Variants in MACROD2 observed in about 807,000 individuals in gnomAD.
MACROD2 encodes the protein mono-ADP ribosylhydrolase 2, also known as ADP-ribose glycohydrolase MACROD2.
MACROD2 carries 36 observed loss-of-function variants against 70.4 expected under a neutral mutation model. The ratio of observed to expected loss-of-function variants is 0.51; its 90% CI spans 0.39 to 0.68. The LOEUF (loss-of-function observed/expected upper bound fraction) is 0.68. Ranked by LOEUF, MACROD2 falls within the 30% of genes least tolerant of loss-of-function variation. The pLI is 0.00. For missense variants in MACROD2, 496 were observed against 538.4 expected, an observed-to-expected ratio of 0.92 and a Z score of 0.78; for synonymous variants, 172 against 178.8, an observed-to-expected ratio of 0.96 and a Z score of 0.30.
chr20:15,834,870 A>G, intron 8 of MACROD2, among the ~76,000 whole-genome samples: 1 of 152,206 alleles, frequency 6.6e-6, no homozygotes, highest in East Asian at 1.9e-4. Flanking sequence ...GCTCATGAAT[A>G]TCGCACTCCC....
At chr20:14,736,958 G>C (rs8114642) in intron 5 of MACROD2, among the ~76,000 whole-genome samples, 1 of 151,674 alleles carries the variant, frequency 6.6e-6, no homozygotes, top group Non-Finnish European at 1.5e-5. Context: ...TTTTTTTTTA[G>C]AATTTTTAAA....
At chr20:15,727,962 T>G (rs752006215) in intron 8 of MACROD2, among the ~76,000 whole-genome samples, 4 of 151,906 alleles carry the variant, frequency 2.6e-5, no homozygotes, top group Admixed American at 2.6e-4. Flanking sequence ...TTCAGTACTA[T>G]GTTGAATAGG....
intron 5 of MACROD2, among the ~76,000 whole-genome samples, chr20:14,706,821 G>T (rs1462144192): frequency 1.3e-5 from 2 of 151,958 alleles, no homozygotes; most frequent in Non-Finnish European, 2.9e-5. Flanking sequence ...TTGCCGAAAG[G>T]TTCTTCTTTC....
chr20:14,612,741 A>G (rs988620638), intron 4 of MACROD2, among the ~76,000 whole-genome samples: 10 of 152,046 alleles, frequency 6.6e-5, no homozygotes, highest in Middle Eastern at 3.2e-3. Context: ...AAGTTCTTAA[A>G]ACTCATCTGA....
chr20:14,061,916 A>G (rs1199544683), intron 2 of MACROD2, among the ~76,000 whole-genome samples: 1 of 152,132 alleles, frequency 6.6e-6, no homozygotes, highest in Non-Finnish European at 1.5e-5. Context: ...TCCAACTTTA[A>G]TGTGTTTAAG....
At chr20:15,717,439 T>C (rs536667923) in intron 8 of MACROD2, among the ~76,000 whole-genome samples, 1 of 152,376 alleles carries the variant, frequency 6.6e-6, no homozygotes, top group South Asian at 2.1e-4. Flanking sequence ...TGTATTCATA[T>C]AACTGCAAGA....
chr20:15,921,065 T>C (rs1200254033), intron 10 of MACROD2, among the ~76,000 whole-genome samples: 1 of 152,102 alleles, frequency 6.6e-6, no homozygotes, highest in Non-Finnish European at 1.5e-5. Flanking sequence ...TTCATGCTAT[T>C]ACATATTCCT....
intron 6 of MACROD2, among the ~76,000 whole-genome samples, chr20:15,424,549 C>T (rs2046272418): frequency 6.6e-6 from 1 of 152,206 alleles, no homozygotes; most frequent in Admixed American, 6.5e-5. Context: ...GAGACCTCGT[C>T]TCTACAAAAA....
intron 7 of MACROD2, among the ~76,000 whole-genome samples, chr20:15,468,659 G>C (rs966736055): frequency 6.6e-6 from 1 of 152,138 alleles, no homozygotes; most frequent in Non-Finnish European, 1.5e-5. Context: ...TTTGCCTTTT[G>C]TGTGCTTCTT....
At chr20:14,750,030 TA>T (rs1182261654) in intron 5 of MACROD2, among the ~76,000 whole-genome samples, 3 of 152,144 alleles carry the variant, frequency 2.0e-5, no homozygotes, top group Admixed American at 6.5e-5. Flanking sequence ...ACTTCTGAAC[TA>T]TACACTTCCA....
chr20:14,190,085 A>C (rs2081372655), intron 3 of MACROD2, among the ~76,000 whole-genome samples: 1 of 152,202 alleles, frequency 6.6e-6, no homozygotes, highest in Non-Finnish European at 1.5e-5. Context: ...AAAGGACAGC[A>C]AACTAGGAAT....
rs75714688 is a variant in MACROD2, at chr20:15,845,974, T to C, written c.646-16771T>C. On this transcript the variant is annotated intron_variant, in intron 8 of 17. Transcript: ENST00000684519. ...AAACAGAACACCTCTTTTTAAGCCA[T>C]GTGGCCTGTCTAAAACAGGTTTTCC... is the stretch of plus-strand genomic sequence containing the variant. Among the ~76,000 whole-genome samples the C allele has an allele frequency of 5.9e-3, 898 of 152,342 alleles. 8 individuals carry two copies. The highest frequency in any genetic ancestry group is 0.021 in the African/African-American group (861 of 41,584).
intron 9 of MACROD2, among the ~76,000 whole-genome samples, chr20:15,883,989 A>G (rs1196657909): frequency 6.6e-6 from 1 of 152,098 alleles, no homozygotes; most frequent in Non-Finnish European, 1.5e-5. Context: ...TAGCTGTCCT[A>G]GTGCTTTACG....
chr20:15,968,796 CGTATAT>C lies in MACROD2; in HGVS notation c.985+1167_985+1172del, dbSNP rs1262991139. On this transcript the variant is annotated intron_variant, in intron 13 of 17. Transcript: ENST00000684519. ...TAAACATATAATATTATATATTATG[CGTATAT>C]ATATATATATATATATATATATATA... 5.3e-3 allele frequency among the ~76,000 whole-genome samples: 268 copies of C among 50,226 alleles called. 3 individuals carry two copies. The highest frequency in any genetic ancestry group is 0.026 in the Middle Eastern group (2 of 78). 33.0% of individuals were successfully genotyped at this position (50,226 alleles called of 152,430 possible). A position where few individuals can be genotyped will look rare whatever the true frequency, so the allele number is the denominator to read the frequency against.
At chr20:14,332,874 A>C (rs2082870072) in intron 3 of MACROD2, among the ~76,000 whole-genome samples, 1 of 152,132 alleles carries the variant, frequency 6.6e-6, no homozygotes, top group Non-Finnish European at 1.5e-5. Context: ...ATTGCTGCCA[A>C]AAAAGCTCAA....
intron 7 of MACROD2, among the ~76,000 whole-genome samples, chr20:15,492,707 A>G (rs1453082373): frequency 2.0e-5 from 3 of 152,196 alleles, no homozygotes; most frequent in Admixed American, 2.0e-4. Flanking sequence ...CTCACGTTTG[A>G]TAACTTCATA....
At chr20:15,165,820 AAT>A (rs564225628) in intron 5 of MACROD2, among the ~76,000 whole-genome samples, 1 of 152,188 alleles carries the variant, frequency 6.6e-6, no homozygotes, top group South Asian at 2.1e-4. Flanking sequence ...AACATTAAGA[AAT>A]ATATTAAATA....
At chr20:15,929,098 GTAAGA>G (rs2065534670) in intron 10 of MACROD2, among the ~76,000 whole-genome samples, 1 of 152,184 alleles carries the variant, frequency 6.6e-6, no homozygotes, top group African/African-American at 2.4e-5. Context: ...TCACAGGTCT[GTAAGA>G]TGACTATGGT....
intron 5 of MACROD2, among the ~76,000 whole-genome samples, chr20:14,914,698 T>A (rs1230798626): frequency 1.3e-5 from 2 of 152,242 alleles, no homozygotes; most frequent in African/African-American, 4.8e-5. Flanking sequence ...AATAAAAGTA[T>A]ATCTACTATC....
Sources: allele counts gnomAD v4.1 joint callset (sites outside exome capture counted in the v4.1 genomes callset), GRCh38; gene constraint gnomAD v4.1.1; transcripts MANE v1.5; gene names NCBI Gene and HGNC (gene_info 2026-07-23, HGNC 2026-07-21).